The following JARID2 variants were observed in gnomAD, a reference collection of about 807,000 sequenced individuals.
JARID2 encodes jumonji and AT-rich interaction domain containing 2.
JARID2 carries 21 observed loss-of-function variants against 125.6 expected under a neutral mutation model. The observed-to-expected ratio is 0.17, with a 90% CI of 0.12 to 0.24. JARID2 has a LOEUF of 0.24. Ranked by LOEUF, JARID2 falls within the 10% of genes least tolerant of loss-of-function variation. The pLI, the probability that JARID2 is intolerant of heterozygous loss-of-function variation, is 1.00. For synonymous variants in JARID2, 736 were observed against 661.6 expected (o/e 1.11, Z -1.73); for missense variants, 1,303 against 1,639.6 (o/e 0.79, Z 3.55).
chr6:15,504,354 T>A, intron 8 of JARID2, 146 bp from the exon 9 acceptor site: 2 of 622,172 alleles, frequency 3.2e-6, no homozygotes, highest in Non-Finnish European at 5.8e-6. Context: ...ATTTCTTCCT[T>A]CTCTGCCTGT....
chr6:15,415,406 C>T (rs1422435305), intron 3 of JARID2, among the ~76,000 whole-genome samples: 4 of 151,566 alleles, frequency 2.6e-5, no homozygotes, highest in Non-Finnish European at 5.9e-5. Flanking sequence ...CAGAGGCGCC[C>T]CTCACCTCCC....
chr6:15,417,327 G>GTC, intron 3 of JARID2, among the ~76,000 whole-genome samples: 1 of 152,158 alleles, frequency 6.6e-6, no homozygotes, highest in Non-Finnish European at 1.5e-5. Context: ...TATCATACCT[G>GTC]TTGGGCAGGT....
intron 5 of JARID2, among the ~76,000 whole-genome samples, chr6:15,473,134 G>T (rs1769157249): frequency 6.6e-6 from 1 of 152,206 alleles, no homozygotes; most frequent in Admixed American, 6.5e-5. Flanking sequence ...TCATTTTATT[G>T]TGATAAGTGC....
At chr6:15,331,195 A>G (rs1762695227) in intron 1 of JARID2, among the ~76,000 whole-genome samples, 1 of 152,024 alleles carries the variant, frequency 6.6e-6, no homozygotes, top group Non-Finnish European at 1.5e-5. Flanking sequence ...TTAGCTGGGC[A>G]TGGTGGCACA....
intron 3 of JARID2, among the ~76,000 whole-genome samples, chr6:15,433,410 CTGTGTGTGTGTGTGTGTGTG>C (rs57296791): frequency 7.0e-6 from 1 of 143,428 alleles, no homozygotes; most frequent in African/African-American, 2.6e-5. Flanking sequence ...CCATGTCTCT[CTGTGTGTGTGTGTGTGTGTG>C]TGTGTGTGTG....
chr6:15,498,146 T>C (rs1338656126), intron 7 of JARID2, among the ~76,000 whole-genome samples: 1 of 152,202 alleles, frequency 6.6e-6, no homozygotes, highest in Non-Finnish European at 1.5e-5. Flanking sequence ...CTGTAGGCCA[T>C]TTTTTATCCT....
chr6:15,316,054 C>T (rs528700436), intron 1 of JARID2, among the ~76,000 whole-genome samples: 73 of 152,052 alleles, frequency 4.8e-4, no homozygotes, highest in African/African-American at 1.5e-3. Flanking sequence ...AGTATTTTCT[C>T]AACTAATACG....
intron 3 of JARID2, among the ~76,000 whole-genome samples, chr6:15,415,827 C>CCCCCAGCT (rs1766162325): frequency 7.4e-6 from 1 of 135,646 alleles, no homozygotes; most frequent in African/African-American, 2.8e-5. Context: ...GGGGCTGACC[C>CCCCCAGCT]CCCCACCTCC....
At chr6:15,290,622 G>GT (rs893507236) in intron 1 of JARID2, among the ~76,000 whole-genome samples, 1 of 151,996 alleles carries the variant, frequency 6.6e-6, no homozygotes, top group Non-Finnish European at 1.5e-5. Context: ...GTTTTTGGAT[G>GT]TTTTTTTCCC....
chr6:15,287,142 C>CACAA (rs371534589), intron 1 of JARID2, among the ~76,000 whole-genome samples: 10,303 of 151,930 alleles, frequency 0.068, 399 homozygotes, highest in African/African-American at 0.096. Context: ...AAAAAGAAAA[C>CACAA]ACAAACAAAC....
chr6:15,398,722 G>C (rs1336250316), intron 2 of JARID2, among the ~76,000 whole-genome samples: 1 of 152,122 alleles, frequency 6.6e-6, no homozygotes, highest in African/African-American at 2.4e-5. Context: ...CTCTTTAATT[G>C]ACTAGAATAG....
chr6:15,373,854 A>G (rs1276440281), intron 1 of JARID2, among the ~76,000 whole-genome samples: 2 of 152,144 alleles, frequency 1.3e-5, no homozygotes, highest in Non-Finnish European at 2.9e-5. Flanking sequence ...TGATGAACGT[A>G]TTTGATTTTG....
chr6:15,263,677 C>G (rs1759972910), intron 1 of JARID2, among the ~76,000 whole-genome samples: 1 of 151,172 alleles, frequency 6.6e-6, no homozygotes, highest in African/African-American at 2.4e-5. Flanking sequence ...ATTGCAACCT[C>G]CGCCTTCCGG....
At chr6:15,474,454 G>T (rs1256400871) in intron 5 of JARID2, among the ~76,000 whole-genome samples, 1 of 111,158 alleles carries the variant, frequency 9.0e-6, no homozygotes, top group Non-Finnish European at 1.7e-5. Flanking sequence ...GAACTTAGTT[G>T]CATGCCTTTT....
intron 2 of JARID2, among the ~76,000 whole-genome samples, chr6:15,383,250 C>T (rs1156619785): frequency 2.0e-5 from 3 of 151,780 alleles, no homozygotes; most frequent in Non-Finnish European, 4.4e-5. Context: ...GTCTTCCCAC[C>T]TCACCTTCTG....
intron 11 of JARID2, 42 bp downstream of exon 11, chr6:15,507,458 A>C (rs761631775): frequency 2.3e-5 from 35 of 1,555,500 alleles, no homozygotes; most frequent in Non-Finnish European, 3.1e-5. Flanking sequence ...AGCTGTGTCC[A>C]TGAGTCCTAC....
At position 15,521,536 on chromosome 6, in the gene JARID2, C is replaced by T. The variant is rs893785104; in HGVS notation, c.*1285C>T. The T allele has an allele frequency of 1.3e-5, 2 of 152,068 alleles. No individual in the cohort carries two copies. Among genetic ancestry groups the T allele is most frequent in the African/African-American group, 4.8e-5 (2 of 41,386 alleles). The allele number at this position is 152,068 out of a possible 1,614,324, so 9.4% of individuals were successfully genotyped here. A position where few individuals can be genotyped will look rare whatever the true frequency, so the allele number is the denominator to read the frequency against. The stretch of plus-strand genomic sequence containing the variant: ...TAACATTTATAAGTGCTGCTTACAT[C>T]ACTGAACAACAACAAAAAAATAATA... On this transcript the variant is annotated 3_prime_UTR_variant, in exon 18 of 18. Transcript: ENST00000341776.
At chr6:15,408,922 T>TA (rs1188852141) in intron 2 of JARID2, among the ~76,000 whole-genome samples, 2 of 150,454 alleles carry the variant, frequency 1.3e-5, no homozygotes, top group Non-Finnish European at 2.9e-5. Flanking sequence ...TGTATGTTTC[T>TA]ATTTCTGTAT....
intron 1 of JARID2, among the ~76,000 whole-genome samples, chr6:15,359,253 A>G (rs761299872): frequency 1.1e-4 from 16 of 152,196 alleles, no homozygotes; most frequent in African/African-American, 3.6e-4. Flanking sequence ...GATTTTCTGC[A>G]GTCTCCCTGC....
Sources: allele counts gnomAD v4.1 joint callset (sites outside exome capture counted in the v4.1 genomes callset), GRCh38; gene constraint gnomAD v4.1.1; transcripts MANE v1.5; gene names NCBI Gene and HGNC (gene_info 2026-07-23, HGNC 2026-07-21).